Variants in NBPF6 observed in about 807,000 individuals in gnomAD.
NBPF6 encodes the protein NBPF member 6, also known as NBPF family member NBPF6.
NBPF6 carries 2 observed loss-of-function variants against 20.8 expected under a neutral mutation model. That is an observed-to-expected ratio of 0.10 (90% CI 0.04 to 0.30). The LOEUF (loss-of-function observed/expected upper bound fraction) is 0.30, where lower values mean the gene tolerates loss of function less well. Among genes scored for constraint, NBPF6 ranks in the 10% least tolerant of loss-of-function variants. NBPF6 has a pLI of 1.00. For synonymous variants in NBPF6, 24 were observed against 100.0 expected, an observed-to-expected ratio of 0.24 and a Z score of 4.53; for missense variants, 85 against 260.3, an observed-to-expected ratio of 0.33 and a Z score of 4.63.
chr1:108,468,084 C>T lies in NBPF6; in HGVS notation c.1875+419C>T, dbSNP rs2260487. ...TCATTGCTTTAATACGTCATTTACA[C>T]GAAGATTTTCCTCTTGAGTCTTCTT... is the stretch of plus-strand genomic sequence containing the variant. On this transcript the variant is annotated intron_variant, in intron 14 of 14. Coordinates refer to ENST00000495380, the MANE Select transcript of NBPF6 (RefSeq NM_001143988.2). Among the ~76,000 whole-genome samples, 57 of 150,336 alleles carry T rather than the reference C, an allele frequency of 3.8e-4. 4 individuals are homozygous for T. Among genetic ancestry groups the T allele is most frequent in the African/African-American group, 1.1e-3 (45 of 40,560 alleles).
intron 2 of NBPF6, 26 bp downstream of exon 2, chr1:108,450,805 GA>G: frequency 2.6e-6 from 2 of 783,970 alleles, no homozygotes; most frequent in Non-Finnish European, 4.1e-6. Flanking sequence ...TCACAATGAT[GA>G]ACGTGATGAA....
At position 108,470,679 on chromosome 1, in the gene NBPF6, A is replaced by T; in HGVS notation, c.*41A>T. 1 of 1,520,422 alleles carries T rather than the reference A, an allele frequency of 6.6e-7. No homozygotes were observed. Among genetic ancestry groups the T allele is most frequent in the Non-Finnish European group, 8.9e-7 (1 of 1,124,324 alleles). 94.2% of individuals were successfully genotyped at this position (1,520,422 alleles called of 1,614,324 possible). A position where few individuals can be genotyped will look rare whatever the true frequency, so the allele number is the denominator to read the frequency against. ...AGCAGCTTTTCCACTTGATAAAAAC[A>T]ACTAAAACAGCAAAGCAAGTTTAAG... is the stretch of plus-strand genomic sequence containing the variant. On this transcript the variant is annotated 3_prime_UTR_variant, in exon 15 of 15. Coordinates refer to ENST00000495380, the MANE Select transcript of NBPF6 (RefSeq NM_001143988.2).
the NBPF6 span, among the ~76,000 whole-genome samples, chr1:108,429,495 G>A: frequency 9.6e-6 from 1 of 104,144 alleles, no homozygotes; most frequent in Admixed American, 8.3e-5. Context: ...CACTGCTTTT[G>A]CTGCACCCCA....
chr1:108,448,404 T>C (rs1332879347), upstream of NBPF6, among the ~76,000 whole-genome samples: 2 of 149,432 alleles, frequency 1.3e-5, no homozygotes, highest in Admixed American at 6.6e-5. Context: ...ATTTCTCTTG[T>C]ATATTCCAAA....
At chr1:108,467,870 C>G (rs1270864967) in intron 14 of NBPF6, among the ~76,000 whole-genome samples, 2 of 150,804 alleles carry the variant, frequency 1.3e-5, no homozygotes, top group East Asian at 3.9e-4. Context: ...CTGAACTCTG[C>G]TCTATTCCTT....
intron 14 of NBPF6, among the ~76,000 whole-genome samples, chr1:108,469,178 T>C (rs1183013315): frequency 6.6e-6 from 1 of 150,790 alleles, no homozygotes; most frequent in African/African-American, 2.5e-5. Context: ...TGCTGAATTT[T>C]GAATACAAGA....
chr1:108,464,766 G>T (rs1280736207), intron 12 of NBPF6, among the ~76,000 whole-genome samples: 2 of 62,210 alleles, frequency 3.2e-5, no homozygotes, highest in African/African-American at 6.8e-5. Context: ...CCTTTTTCGT[G>T]GTTCTTTCTC....
At chr1:108,447,750 GA>G (rs1652656642), upstream of NBPF6, among the ~76,000 whole-genome samples, 1 of 137,554 alleles carries the variant, frequency 7.3e-6, no homozygotes, top group Non-Finnish European at 1.6e-5. Context: ...ACAGTGCGTG[GA>G]AATGGTTCAG....
At chr1:108,446,636 T>TTTTG (rs1201914645), upstream of NBPF6, among the ~76,000 whole-genome samples, 1 of 19,632 alleles carries the variant, frequency 5.1e-5, no homozygotes, top group Non-Finnish European at 1.3e-4. Context: ...CAAGAAGGTT[T>TTTTG]TTTGTTTGTT....
the NBPF6 span, among the ~76,000 whole-genome samples, chr1:108,435,908 G>A: frequency 3.5e-5 from 3 of 86,854 alleles, no homozygotes; most frequent in South Asian, 7.2e-4. Context: ...AGGATACAAC[G>A]TCAATATACA....
At chr1:108,448,495 C>G (rs1652703740), upstream of NBPF6, among the ~76,000 whole-genome samples, 1 of 138,938 alleles carries the variant, frequency 7.2e-6, no homozygotes, top group African/African-American at 2.6e-5. Context: ...ATTTCGGTCC[C>G]AATGCTGAAG....
the NBPF6 span, among the ~76,000 whole-genome samples, chr1:108,430,170 T>C: frequency 8.2e-5 from 3 of 36,576 alleles, 1 homozygote; most frequent in African/African-American, 1.6e-4. Flanking sequence ...TTTTCTGCTT[T>C]CCATTTGCTT....
At position 108,471,370 on chromosome 1, in the gene NBPF6, A is replaced by G. The variant is rs148727090; in HGVS notation, c.*732A>G. Among the ~76,000 whole-genome samples the G allele has an allele frequency of 0.03, 4,543 of 152,256 alleles. 157 individuals are homozygous for G. The highest frequency in any genetic ancestry group is 0.086 in the African/African-American group (3,585 of 41,518). On this transcript the variant is annotated 3_prime_UTR_variant, in exon 15 of 15. Coordinates refer to ENST00000495380, the MANE Select transcript of NBPF6 (RefSeq NM_001143988.2). ...TTTTGCCAGGAACTCTGCAGAGTCC[A>G]TGCTGTGAGCTTCCTACCTCAGCCC...
rs1232155771 is a variant in NBPF6, at chr1:108,471,333, T to A, written c.*695T>A. Among the ~76,000 whole-genome samples the A allele has an allele frequency of 1.2e-4, 19 of 152,154 alleles. No homozygotes were observed. Among genetic ancestry groups the A allele is most frequent in the Admixed American group, 1.2e-3 (19 of 15,280 alleles). On this transcript the variant is annotated 3_prime_UTR_variant, in exon 15 of 15. Transcript: ENST00000495380. ...TCTGAAAATGTCGTCATGATTAAAT[T>A]CAGCCTAAACATTTTGCCAGGAACT...
At position 108,470,627 on chromosome 1, in the gene NBPF6, A is replaced by G. The variant is rs934535773; in HGVS notation, c.1906A>G (p.Met636Val). The G allele has an allele frequency of 1.3e-6, 2 of 1,558,082 alleles. No individual in the cohort carries two copies. The highest frequency in any genetic ancestry group is 2.7e-5 in the African/African-American group (2 of 73,072). ...IPNTAERMQR[M>V]IG ...AAATACTGCTGAAAGGATGCAAAGG[A>G]TGATAGGATGAAAGAATGTCACAAA... The change falls in exon 15 of 15, where the codon ATG (methionine) becomes GTG (valine). Residue 636 changes from methionine (M) to valine (V), a missense_variant. This residue lies in a region of NBPF6 where 31 missense variants were observed against 21.0 expected (regional missense o/e 1.48). Coordinates refer to ENST00000495380, the MANE Select transcript of NBPF6 (RefSeq NM_001143988.2).
chr1:108,429,827 GAT>G, the NBPF6 span, among the ~76,000 whole-genome samples: 1 of 103,102 alleles, frequency 9.7e-6, no homozygotes, highest in Non-Finnish European at 2.2e-5. Context: ...GAGTTCTGTA[GAT>G]ATCTATCAGG....
upstream of NBPF6, among the ~76,000 whole-genome samples, chr1:108,447,907 A>C (rs1447721671): frequency 2.0e-5 from 3 of 147,426 alleles, no homozygotes; most frequent in Non-Finnish European, 4.5e-5. Context: ...CTTATAAGTA[A>C]TAAGCATTTT....
chr1:108,468,102 G>A (rs1653246868), intron 14 of NBPF6, among the ~76,000 whole-genome samples: 1 of 151,200 alleles, frequency 6.6e-6, no homozygotes, highest in Non-Finnish European at 1.5e-5. Flanking sequence ...TTCCTCTTGA[G>A]TCTTCTTTTG....
At chr1:108,470,548 G>A (rs927956034) in intron 14 of NBPF6, 49 bp from the exon 15 acceptor site, 2 of 1,382,970 alleles carry the variant, frequency 1.4e-6, no homozygotes, top group Admixed American at 2.3e-5. Flanking sequence ...CCATCAGGTG[G>A]ACCTGACAAA....
Sources: allele counts gnomAD v4.1 joint callset (sites outside exome capture counted in the v4.1 genomes callset), GRCh38; gene constraint gnomAD v4.1.1; regional missense constraint gnomAD v4.1.1; transcripts MANE v1.5; gene names NCBI Gene and HGNC (gene_info 2026-07-23, HGNC 2026-07-21).